The following SLIT3 variants were observed in gnomAD, a reference collection of about 807,000 sequenced individuals.
SLIT3 encodes slit homolog 3 protein.
Under a neutral mutation model 184.0 loss-of-function variants are expected in SLIT3, and 68 were observed. The ratio of observed to expected loss-of-function variants is 0.37; its 90% CI spans 0.30 to 0.45. SLIT3 has a LOEUF of 0.45. Ranked by LOEUF, SLIT3 falls within the 20% of genes least tolerant of loss-of-function variation. The pLI, the probability that SLIT3 is intolerant of heterozygous loss-of-function variation, is 1.00. For synonymous variants in SLIT3, 831 were observed against 828.6 expected (o/e 1.00, Z -0.05); for missense variants, 1,707 against 2,026.0 (o/e 0.84, Z 3.02).
intron 3 of SLIT3, among the ~76,000 whole-genome samples, chr5:169,233,301 G>C (rs534381291): frequency 6.6e-6 from 1 of 152,266 alleles, no homozygotes; most frequent in African/African-American, 2.4e-5. Flanking sequence ...GGGATTATAG[G>C]CGTGAGCCAC....
rs555705443 is a variant in SLIT3 at position 168,662,860 on chromosome 5, A to G, written c.*3594T>C. On this transcript the variant is annotated 3_prime_UTR_variant, in exon 36 of 36. Transcript: ENST00000519560. Reference sequence around the variant, plus strand: ...AAATTAACTGAACTCTTCCTGCCTCATGGAATGTCCTGTTTCTAGAATGTG... The same window carrying G: ...AAATTAACTGAACTCTTCCTGCCTCGTGGAATGTCCTGTTTCTAGAATGTG... The G allele has an allele frequency of 5.9e-5, 9 of 152,336 alleles. No individual in the cohort carries two copies. Among genetic ancestry groups the G allele is most frequent in the Non-Finnish European group, 4.4e-5 (3 of 68,046 alleles). The allele number at this position is 152,336 out of a possible 1,614,324, so 9.4% of individuals were successfully genotyped here. A position where few individuals can be genotyped will look rare whatever the true frequency, so the allele number is the denominator to read the frequency against.
chr5:168,994,244 T>C (rs1755431159), intron 4 of SLIT3: 1 of 152,248 alleles, frequency 6.6e-6, no homozygotes, highest in Non-Finnish European at 1.5e-5. Flanking sequence ...AGTGCTGGGA[T>C]AGGGGAGGAG....
intron 20 of SLIT3, among the ~76,000 whole-genome samples, chr5:168,733,403 A>G (rs10475887): frequency 0.22 from 33,234 of 152,144 alleles, 3,753 homozygotes; most frequent in Non-Finnish European, 0.24. Context: ...AACTAAAAAT[A>G]GAACTACCAT....
intron 4 of SLIT3, among the ~76,000 whole-genome samples, chr5:169,149,888 A>T (rs1467078586): frequency 2.0e-5 from 3 of 152,166 alleles, no homozygotes; most frequent in African/African-American, 7.2e-5. Context: ...ACTTTTGTTG[A>T]CTTCCCTCTA....
At chr5:169,036,809 G>A (rs1204036418) in intron 4 of SLIT3, among the ~76,000 whole-genome samples, 1 of 152,158 alleles carries the variant, frequency 6.6e-6, no homozygotes, top group African/African-American at 2.4e-5. Context: ...GCTTATTGAC[G>A]TTCAGAGATT....
intron 20 of SLIT3, among the ~76,000 whole-genome samples, chr5:168,747,585 G>C (rs1158091826): frequency 1.3e-5 from 2 of 152,158 alleles, no homozygotes; most frequent in African/African-American, 4.8e-5. Flanking sequence ...CTCACTGGGG[G>C]ACCGTGCCTT....
chr5:169,235,132 T>C (rs796152456), intron 3 of SLIT3, among the ~76,000 whole-genome samples: 4 of 152,324 alleles, frequency 2.6e-5, no homozygotes, highest in African/African-American at 9.6e-5. Context: ...TCCATTGTTT[T>C]CTTCCTCAGA....
At chr5:168,703,299 T>C (rs1052224828) in intron 26 of SLIT3, among the ~76,000 whole-genome samples, 1 of 149,782 alleles carries the variant, frequency 6.7e-6, no homozygotes, top group African/African-American at 2.5e-5. Flanking sequence ...CCAGGAATCC[T>C]GACTGGCTTC....
chr5:168,765,697 C>G (rs767103873), intron 14 of SLIT3, among the ~76,000 whole-genome samples: 26 of 152,236 alleles, frequency 1.7e-4, no homozygotes, highest in South Asian at 8.3e-4. Flanking sequence ...AATAGAGGAC[C>G]GACTGCAATA....
intron 1 of SLIT3, among the ~76,000 whole-genome samples, chr5:169,290,672 G>A (rs1282693334): frequency 2.1e-5 from 3 of 142,010 alleles, no homozygotes; most frequent in African/African-American, 7.9e-5. Flanking sequence ...TAGGGCATAC[G>A]CTAGGGCACA....
At chr5:168,754,608 T>C (rs550880233) in intron 16 of SLIT3, among the ~76,000 whole-genome samples, 83 of 152,262 alleles carry the variant, frequency 5.5e-4, no homozygotes, top group African/African-American at 1.9e-3. Context: ...TATTTCAAAA[T>C]AGCTAGAAGA....
intron 3 of SLIT3, among the ~76,000 whole-genome samples, chr5:169,200,514 C>A (rs957454077): frequency 4.6e-5 from 7 of 151,834 alleles, no homozygotes; most frequent in Non-Finnish European, 1.0e-4. Flanking sequence ...ATGCTTCCTG[C>A]CAGCTGCTGC....
At chr5:168,947,268 T>C (rs73310298) in intron 4 of SLIT3, among the ~76,000 whole-genome samples, 4,273 of 152,282 alleles carry the variant, frequency 0.028, 210 homozygotes, top group African/African-American at 0.097. Flanking sequence ...GGGACTTTTC[T>C]GGGGGAACAT....
chr5:168,817,669 C>T (rs1194433696), intron 7 of SLIT3, among the ~76,000 whole-genome samples: 1 of 152,208 alleles, frequency 6.6e-6, no homozygotes, highest in Non-Finnish European at 1.5e-5. Flanking sequence ...AGGATGCCTC[C>T]GGGGTTCTGA....
At chr5:168,712,571 G>C (rs1334956599) in intron 23 of SLIT3, 2 of 554,538 alleles carry the variant, frequency 3.6e-6, no homozygotes, top group Non-Finnish European at 6.4e-6. Context: ...CGGAAGAAGG[G>C]GGTGGACTTT....
At position 169,289,514 on chromosome 5, in the gene SLIT3, A is replaced by T. The variant is rs188357436; in HGVS notation, c.197+10999T>A. On this transcript the variant is annotated intron_variant, in intron 1 of 35. Transcript: ENST00000519560. ...GAGTCCAGCCCTGGGGCACTTTTAC[A>T]TGCTACCCTGGACATGATAAAAGAT... is the stretch of plus-strand genomic sequence containing the variant. Among the ~76,000 whole-genome samples the T allele has an allele frequency of 4.2e-3, 641 of 152,336 alleles. 4 individuals carry two copies. Among genetic ancestry groups the T allele is most frequent in the African/African-American group, 0.014 (592 of 41,582 alleles).
chr5:169,179,440 C>T (rs958682294), intron 4 of SLIT3, among the ~76,000 whole-genome samples: 1 of 152,154 alleles, frequency 6.6e-6, no homozygotes, highest in African/African-American at 2.4e-5. Context: ...ATGAAGCCAA[C>T]ACAGCTTATC....
chr5:168,904,696 A>G (rs1328629089), intron 4 of SLIT3, among the ~76,000 whole-genome samples: 1 of 152,160 alleles, frequency 6.6e-6, no homozygotes, highest in African/African-American at 2.4e-5. Context: ...TACATTTCTG[A>G]TAGACATGTG....
rs184147347 is a variant in SLIT3, at chr5:169,183,295, T to C, written c.413+10184A>G. On this transcript the variant is annotated intron_variant, in intron 4 of 35. Transcript: ENST00000519560. ...CCATTTTCCTCACTCACTACTTTCA[T>C]ACGTAGTAAAGAGAGTACACTGATG... Among the ~76,000 whole-genome samples, 653 of 152,318 alleles carry C rather than the reference T, an allele frequency of 4.3e-3. 9 individuals carry two copies. Among genetic ancestry groups the C allele is most frequent in the East Asian group, 0.015 (76 of 5,190 alleles).
Sources: allele counts gnomAD v4.1 joint callset (sites outside exome capture counted in the v4.1 genomes callset), GRCh38; gene constraint gnomAD v4.1.1; transcripts MANE v1.5; gene names NCBI Gene and HGNC (gene_info 2026-07-23, HGNC 2026-07-21).